The following PSD3 variants were observed in gnomAD, a reference collection of about 807,000 sequenced individuals.
The protein encoded by PSD3 is pleckstrin and Sec7 domain containing 3, also known as PH and SEC7 domain-containing protein 3.
In PSD3, 49 loss-of-function variants were observed where a neutral mutation model predicts 105.5. That is an observed-to-expected ratio of 0.46 (90% CI 0.37 to 0.59). The LOEUF (loss-of-function observed/expected upper bound fraction) is 0.59. Ranked by LOEUF, PSD3 falls within the 20% of genes least tolerant of loss-of-function variation. PSD3 has a pLI of 0.00. For missense variants in PSD3, 1,561 were observed against 1,263.8 expected, an observed-to-expected ratio of 1.24 and a Z score of -3.57; for synonymous variants, 557 against 457.8, an observed-to-expected ratio of 1.22 and a Z score of -2.77.
chr8:18,561,920 A>AGG (rs1801415875), intron 14 of PSD3, among the ~76,000 whole-genome samples: 1 of 152,188 alleles, frequency 6.6e-6, no homozygotes, highest in Non-Finnish European at 1.5e-5. Context: ...CCCAGGACCA[A>AGG]GGGCCAGAAA....
At position 18,799,078 on chromosome 8, in the gene PSD3, A is replaced by G. The variant is rs142833462; in HGVS notation, c.2082+217T>C. 3,562 of 502,222 alleles carry G rather than the reference A, an allele frequency of 7.1e-3. 29 individuals are homozygous for G. Among genetic ancestry groups the G allele is most frequent in the Middle Eastern group, 0.014 (37 of 2,594 alleles). The allele number at this position is 502,222 out of a possible 1,614,324, so 31.1% of individuals were successfully genotyped here. ...GAACACACACATTACTGCTAAAACA[A>G]CTCCAGACACCAGGACGATGGATTT... On this transcript the variant is annotated intron_variant, in intron 8 of 15. Transcript: ENST00000327040.
rs901559536 is a variant in PSD3 at position 19,035,521 on chromosome 8, A to AC, written c.324+48684_324+48685insG. ...ATTAGGAAAAGGATTTGTTAAAAAA[A>AC]AACAACAAAATTGTCTAGTCTCCCT... is the stretch of plus-strand genomic sequence containing the variant. On this transcript the variant is annotated intron_variant, in intron 1 of 1. Transcript: ENST00000521475. Among the ~76,000 whole-genome samples, 15 of 151,902 alleles carry AC rather than the reference A, an allele frequency of 9.9e-5. 1 individual carries two copies. The highest frequency in any genetic ancestry group is 3.3e-4 in the Admixed American group (5 of 15,238).
At chr8:19,011,092 A>C (rs561572020) in intron 1 of PSD3, among the ~76,000 whole-genome samples, 1 of 152,210 alleles carries the variant, frequency 6.6e-6, no homozygotes, top group East Asian at 1.9e-4. Context: ...ATTGGAAACG[A>C]TCACTATCCA....
intron 12 of PSD3, among the ~76,000 whole-genome samples, chr8:18,593,298 C>T (rs1585328237): frequency 6.6e-6 from 1 of 152,136 alleles, no homozygotes; most frequent in East Asian, 1.9e-4. Flanking sequence ...ACAACCCCAT[C>T]AAAGAGTGGG....
intron 1 of PSD3, among the ~76,000 whole-genome samples, chr8:19,064,368 G>T (rs144378198): frequency 6.6e-6 from 1 of 152,040 alleles, no homozygotes; most frequent in East Asian, 1.9e-4. Context: ...TATTAACTAT[G>T]TTAATTATCT....
chr8:18,952,179 A>G (rs1823279033), intron 1 of PSD3, among the ~76,000 whole-genome samples: 1 of 152,134 alleles, frequency 6.6e-6, no homozygotes, highest in Admixed American at 6.5e-5. Flanking sequence ...CATAGTTTTA[A>G]AGACGTCTAC....
At chr8:18,702,084 T>C (rs1053447786) in intron 9 of PSD3, among the ~76,000 whole-genome samples, 2 of 152,110 alleles carry the variant, frequency 1.3e-5, no homozygotes, top group African/African-American at 4.8e-5. Context: ...ATCCTGGGAG[T>C]GACTTCAGAT....
rs754264859 is a variant in PSD3 at position 18,655,683 on chromosome 8, A to G, written c.2175T>C (p.Ala725=). ...TCTCATTCTTGATTGAGTTGTACAG[A>G]GCCTGTAAAGAGAGAAAATGAGATC... The part of the protein sequence containing the change: ...GVDFSKDLLK[A]LYNSIKNEKL... Residue 725 remains alanine (A), a splice_region_variant and synonymous_variant, in exon 10 of 16, where the codon GCT becomes GCC. Coordinates refer to ENST00000327040, the MANE Select transcript of PSD3 (RefSeq NM_015310.4). 2 of 1,613,304 alleles carry G rather than the reference A, an allele frequency of 1.2e-6. No homozygotes were observed. The highest frequency in any genetic ancestry group is 2.7e-5 in the African/African-American group (2 of 74,918).
In PSD3 at chr8:18,738,348, A is replaced by AAAGGAG. The variant is rs561032450; in HGVS notation, c.2172+27100_2172+27101insCTCCTT. Among the ~76,000 whole-genome samples, 397 of 152,246 alleles carry AAAGGAG rather than the reference A, an allele frequency of 2.6e-3. 1 individual carries two copies. The highest frequency in any genetic ancestry group is 4.8e-3 in the Non-Finnish European group (324 of 68,004). On this transcript the variant is annotated intron_variant, in intron 9 of 15. Coordinates refer to ENST00000327040, the MANE Select transcript of PSD3 (RefSeq NM_015310.4). ...CTATCTCTCTGAAACTCCTTTTCTC[A>AAAGGAG]TTTATAAAATGGGAAGGTTCATCAA...
At position 18,626,650 on chromosome 8, in the gene PSD3, C is replaced by A. The variant is rs1404595014; in HGVS notation, c.2410+5963G>T. Among the ~76,000 whole-genome samples, 3 of 152,142 alleles carry A rather than the reference C, an allele frequency of 2.0e-5. No homozygotes were observed. In the East Asian group the frequency reaches 5.8e-4, roughly 29 times the overall value. On this transcript the variant is annotated intron_variant, in intron 11 of 15. Coordinates refer to ENST00000327040, the MANE Select transcript of PSD3 (RefSeq NM_015310.4). ...TGTAAGTCCTTACTATAAAACATTTCTCTAATTTGTTTATAGTGACCATCT... is the reference window on the plus strand; with the variant it reads ...TGTAAGTCCTTACTATAAAACATTTATCTAATTTGTTTATAGTGACCATCT...
At chr8:18,968,473 G>A (rs540305913) in intron 1 of PSD3, among the ~76,000 whole-genome samples, 49 of 152,258 alleles carry the variant, frequency 3.2e-4, no homozygotes, top group African/African-American at 1.0e-3. Flanking sequence ...AAGAACCTTC[G>A]ACGCCAGTTT....
intron 8 of PSD3, among the ~76,000 whole-genome samples, chr8:18,788,877 T>A (rs1330760417): frequency 6.6e-6 from 1 of 152,200 alleles, no homozygotes; most frequent in African/African-American, 2.4e-5. Flanking sequence ...ATAAGTTTGA[T>A]TATGTCATGC....
intron 14 of PSD3, among the ~76,000 whole-genome samples, chr8:18,565,958 T>A (rs1258771394): frequency 1.3e-5 from 2 of 152,072 alleles, no homozygotes; most frequent in Non-Finnish European, 2.9e-5. Flanking sequence ...CAAAGAATTA[T>A]CCACACCAAA....
chr8:18,548,216 G>A (rs890359140), intron 15 of PSD3, among the ~76,000 whole-genome samples: 4 of 152,012 alleles, frequency 2.6e-5, no homozygotes, highest in African/African-American at 9.7e-5. Flanking sequence ...TGATTTCATT[G>A]AGGAATCAAT....
At position 18,877,446 on chromosome 8, in the gene PSD3, G is replaced by A. The variant is rs187176175; in HGVS notation, c.131-4713C>T. 5.7e-4 allele frequency among the ~76,000 whole-genome samples: 86 copies of A among 151,922 alleles called. 3 individuals are homozygous for A. Among genetic ancestry groups the A allele is most frequent in the Admixed American group, 5.0e-3 (76 of 15,268 alleles). On this transcript the variant is annotated intron_variant, in intron 2 of 15. Transcript: ENST00000327040. ...TATTCTTTACCCATCAAAAAGCCTTGGTGCCCATGTCAAAAATCAAACATA... is the reference window on the plus strand; with the variant it reads ...TATTCTTTACCCATCAAAAAGCCTTAGTGCCCATGTCAAAAATCAAACATA...
chr8:19,004,179 G>A (rs1563502165), intron 1 of PSD3, among the ~76,000 whole-genome samples: 1 of 152,010 alleles, frequency 6.6e-6, no homozygotes, highest in African/African-American at 2.4e-5. Flanking sequence ...TAATCCAGGA[G>A]GAGAAGACTA....
intron 4 of PSD3, among the ~76,000 whole-genome samples, chr8:18,819,004 A>G (rs1812465281): frequency 6.6e-6 from 1 of 152,074 alleles, no homozygotes; most frequent in African/African-American, 2.4e-5. Flanking sequence ...GGAATTGTGG[A>G]GTAATCTGGA....
intron 1 of PSD3, among the ~76,000 whole-genome samples, chr8:18,981,162 A>C (rs1211059766): frequency 1.3e-5 from 2 of 152,240 alleles, no homozygotes; most frequent in Non-Finnish European, 2.9e-5. Flanking sequence ...AGGGTCCACC[A>C]GGACACTGCT....
intron 1 of PSD3, among the ~76,000 whole-genome samples, chr8:18,988,994 C>T (rs1024796799): frequency 1.3e-5 from 2 of 152,204 alleles, no homozygotes; most frequent in African/African-American, 2.4e-5. Flanking sequence ...AAACAGCAGC[C>T]TGCATGGTCG....
Sources: gnomAD v4.1 joint callset for allele counts (sites outside exome capture counted in the v4.1 genomes callset) on GRCh38, gnomAD v4.1.1 for gene constraint, MANE v1.5 for transcripts, NCBI Gene and HGNC (gene_info 2026-07-23, HGNC 2026-07-21) for gene names.